CCSER1: variants seen among roughly 807,000 people sequenced by gnomAD.
CCSER1 encodes coiled-coil serine rich protein 1, also known as serine-rich coiled-coil domain-containing protein 1.
CCSER1 carries 41 observed loss-of-function variants against 82.0 expected under a neutral mutation model. The observed-to-expected ratio is 0.50, with a 90% CI of 0.39 to 0.65. The LOEUF (loss-of-function observed/expected upper bound fraction) is 0.65, where lower values mean the gene tolerates loss of function less well. CCSER1 is among the 30% of genes least tolerant of loss of function. The pLI is 0.00. For missense variants in CCSER1, 1,119 were observed against 1,064.2 expected (o/e 1.05, Z -0.72); for synonymous variants, 414 against 383.9 (o/e 1.08, Z -0.92).
chr4:90,731,280 T>A (rs1213811707), intron 7 of CCSER1, among the ~76,000 whole-genome samples: 1 of 152,224 alleles, frequency 6.6e-6, no homozygotes, highest in East Asian at 1.9e-4. Flanking sequence ...TACAAATAGA[T>A]AGCATGATAC....
At chr4:90,913,074 A>T (rs952058685) in intron 8 of CCSER1, among the ~76,000 whole-genome samples, 1 of 152,242 alleles carries the variant, frequency 6.6e-6, no homozygotes, top group African/African-American at 2.4e-5. Flanking sequence ...GCAGGATATT[A>T]TCCAGGAGAA....
chr4:90,268,069 A>G (rs1725559013), intron 1 of CCSER1, among the ~76,000 whole-genome samples: 2 of 152,222 alleles, frequency 1.3e-5, no homozygotes, highest in South Asian at 2.1e-4. Flanking sequence ...CCTCAAGCAA[A>G]AAGGAGAAAT....
chr4:90,329,993 C>T (rs568948384), intron 3 of CCSER1, among the ~76,000 whole-genome samples: 1 of 151,792 alleles, frequency 6.6e-6, no homozygotes, highest in South Asian at 2.1e-4. Flanking sequence ...TCAAAATAGG[C>T]AATAACTTCA....
At chr4:91,453,499 G>C (rs1755978832) in intron 10 of CCSER1, among the ~76,000 whole-genome samples, 1 of 151,986 alleles carries the variant, frequency 6.6e-6, no homozygotes, top group African/African-American at 2.4e-5. Context: ...TTCTCCTAAA[G>C]AAAATTTTAC....
At chr4:91,225,315 AATAT>A (rs1156801645) in intron 10 of CCSER1, among the ~76,000 whole-genome samples, 1 of 128,382 alleles carries the variant, frequency 7.8e-6, no homozygotes, top group Non-Finnish European at 1.6e-5. Context: ...TTATATATGT[AATAT>A]ATATGTATAT....
intron 10 of CCSER1, among the ~76,000 whole-genome samples, chr4:91,141,255 G>T (rs375736034): frequency 1.4e-3 from 211 of 151,822 alleles, no homozygotes; most frequent in African/African-American, 4.9e-3. Context: ...TTGAGTTCAA[G>T]TGATTCTCCT....
At chr4:90,842,027 GTT>G (rs33944172) in intron 8 of CCSER1, among the ~76,000 whole-genome samples, 16 of 150,090 alleles carry the variant, frequency 1.1e-4, no homozygotes, top group African/African-American at 2.2e-4. Flanking sequence ...TGATTTCTCT[GTT>G]TTTTTTTTCC....
intron 10 of CCSER1, among the ~76,000 whole-genome samples, chr4:91,149,954 C>T (rs1373226648): frequency 6.6e-6 from 1 of 152,114 alleles, no homozygotes; most frequent in Non-Finnish European, 1.5e-5. Context: ...ATTGTCTTGG[C>T]AATGCAGGCT....
intron 9 of CCSER1, among the ~76,000 whole-genome samples, chr4:90,945,168 G>GA (rs889379406): frequency 2.0e-5 from 3 of 151,716 alleles, no homozygotes; most frequent in African/African-American, 7.3e-5. Flanking sequence ...ATTTAACTAG[G>GA]AAAAAAACTA....
At chr4:90,366,485 C>T (rs1000421677) in intron 3 of CCSER1, among the ~76,000 whole-genome samples, 17 of 151,742 alleles carry the variant, frequency 1.1e-4, no homozygotes, top group African/African-American at 4.1e-4. Context: ...ACCTCAAATA[C>T]TTAACATTTA....
chr4:90,424,150 G>T (rs923598563), intron 4 of CCSER1, among the ~76,000 whole-genome samples: 1 of 149,188 alleles, frequency 6.7e-6, no homozygotes, highest in African/African-American at 2.5e-5. Context: ...ATATTGATGT[G>T]TTAATAAGGT....
At chr4:91,302,996 A>T (rs1744789222) in intron 10 of CCSER1, among the ~76,000 whole-genome samples, 1 of 152,066 alleles carries the variant, frequency 6.6e-6, no homozygotes, top group Non-Finnish European at 1.5e-5. Flanking sequence ...ATTCAATGCC[A>T]CAAGAGTGTC....
At chr4:90,412,098 A>T (rs1258185715) in intron 4 of CCSER1, among the ~76,000 whole-genome samples, 1 of 152,060 alleles carries the variant, frequency 6.6e-6, no homozygotes, top group Non-Finnish European at 1.5e-5. Context: ...GATTAAGAAA[A>T]TGTGGCACAT....
intron 5 of CCSER1, among the ~76,000 whole-genome samples, chr4:90,591,468 A>G (rs1179820268): frequency 6.6e-6 from 1 of 152,222 alleles, no homozygotes; most frequent in East Asian, 1.9e-4. Flanking sequence ...AGAAATGCAT[A>G]TCAAAACAAC....
At chr4:91,191,427 C>A (rs72669271) in intron 10 of CCSER1, among the ~76,000 whole-genome samples, 1 of 152,134 alleles carries the variant, frequency 6.6e-6, no homozygotes, top group South Asian at 2.1e-4. Flanking sequence ...AACTGCCCAA[C>A]CTTCGAACCT....
intron 4 of CCSER1, among the ~76,000 whole-genome samples, chr4:90,416,259 T>C (rs937140401): frequency 1.3e-5 from 2 of 152,168 alleles, no homozygotes; most frequent in Admixed American, 6.5e-5. Context: ...GAAAGGAAAA[T>C]TGAATGCCTA....
Position 90,313,926 on chromosome 4 carries a change from A to G in CCSER1, c.1509+879A>G, listed in dbSNP as rs192240414. Among the ~76,000 whole-genome samples, 40 of 152,292 alleles carry G rather than the reference A, an allele frequency of 2.6e-4. No individual in the cohort carries two copies. The East Asian group carries it at 7.1e-3, about 27-fold the overall frequency. On this transcript the variant is annotated intron_variant, in intron 3 of 10. Coordinates refer to ENST00000509176, the MANE Select transcript of CCSER1 (RefSeq NM_001145065.2). ...TCTTTCTACCTACCTATCCATGCAT[A>G]TATGTGAAAAATGCTCAAAAATAAA...
In CCSER1 at chr4:90,725,105, T is replaced by TATA. The variant is rs1248175300; in HGVS notation, c.2010+1115_2010+1117dup. 1.2e-4 allele frequency: 38 copies of TATA among 318,918 alleles called. 1 individual carries two copies. The highest frequency in any genetic ancestry group is 2.1e-4 in the Non-Finnish European group (33 of 158,354). 19.8% of individuals were successfully genotyped at this position (318,918 alleles called of 1,614,324 possible). The stretch of plus-strand genomic sequence containing the variant: ...TTTATTGAAACATTTTCTTTATTAT[T>TATA]ATACAGATAAATGAGAAAATAATAC... On this transcript the variant is annotated intron_variant, in intron 7 of 10. Transcript: ENST00000509176.
intron 10 of CCSER1, among the ~76,000 whole-genome samples, chr4:91,334,663 C>T (rs1747197620): frequency 6.6e-6 from 1 of 152,058 alleles, no homozygotes; most frequent in Non-Finnish European, 1.5e-5. Context: ...TCACTTAGCA[C>T]ATTTTGCAAA....
Sources: gnomAD v4.1 joint callset for allele counts (sites outside exome capture counted in the v4.1 genomes callset) on GRCh38, gnomAD v4.1.1 for gene constraint, MANE v1.5 for transcripts, NCBI Gene and HGNC (gene_info 2026-07-23, HGNC 2026-07-21) for gene names.